Variants in CDK1 observed in about 807,000 individuals in gnomAD.
CDK1 encodes cyclin dependent kinase 1, also known as cyclin-dependent kinase 1.
A neutral mutation model predicts 34.6 loss-of-function variants in CDK1; 5 were observed. The observed-to-expected ratio is 0.14, with a 90% CI of 0.08 to 0.30. CDK1 has a LOEUF of 0.30. Ranked by LOEUF, CDK1 falls within the 10% of genes least tolerant of loss-of-function variation. The pLI is 1.00. For synonymous variants in CDK1, 108 were observed against 114.7 expected, an observed-to-expected ratio of 0.94 and a Z score of 0.37; for missense variants, 157 against 345.7, an observed-to-expected ratio of 0.45 and a Z score of 4.33.
chr10:60,778,965 C>G lies in CDK1; in HGVS notation c.-26+395C>G, dbSNP rs3213021. On this transcript the variant is annotated intron_variant, in intron 1 of 7. Coordinates refer to ENST00000395284, the MANE Select transcript of CDK1 (RefSeq NM_001786.5). ...TTTCCTGGGCCCGGCCCCTGCGCGC[C>G]CTGCCATCCCGCCTCGGGGGTGGGA... Among the ~76,000 whole-genome samples, 34 of 152,212 alleles carry G rather than the reference C, an allele frequency of 2.2e-4. No individual in the cohort carries two copies. The East Asian group carries it at 6.4e-3, about 29-fold the overall frequency.
At chr10:60,782,885 G>A (rs1274336112) in intron 2 of CDK1, among the ~76,000 whole-genome samples, 1 of 152,118 alleles carries the variant, frequency 6.6e-6, no homozygotes, top group Non-Finnish European at 1.5e-5. Flanking sequence ...AGTGAGAAGT[G>A]ATATTATCTC....
intron 5 of CDK1, among the ~76,000 whole-genome samples, chr10:60,791,030 T>C (rs890599352): frequency 6.6e-6 from 1 of 152,170 alleles, no homozygotes; most frequent in African/African-American, 2.4e-5. Context: ...TGGTTCTATA[T>C]GAATTTTAGG....
At chr10:60,792,693 G>A (rs116711918) in intron 7 of CDK1, among the ~76,000 whole-genome samples, 3 of 151,732 alleles carry the variant, frequency 2.0e-5, no homozygotes, top group Non-Finnish European at 2.9e-5. Context: ...AGCTTTATTC[G>A]CACTTTGTAC....
intron 2 of CDK1, among the ~76,000 whole-genome samples, chr10:60,783,840 C>T (rs781636337): frequency 1.3e-5 from 2 of 151,944 alleles, no homozygotes; most frequent in African/African-American, 4.8e-5. Flanking sequence ...GGGTGTGAGG[C>T]TTTCCTAATA....
Position 60,794,054 on chromosome 10 carries a change from T to C in CDK1, c.*79T>C. On this transcript the variant is annotated 3_prime_UTR_variant, in exon 8 of 8. Coordinates refer to ENST00000395284, the MANE Select transcript of CDK1 (RefSeq NM_001786.5). ...TGTTAACTCTTGTCTATTTTTGTCT[T>C]ATATATATTTCTTTGTTATCAAACT... is the stretch of plus-strand genomic sequence containing the variant. 1 of 710,966 alleles carries C rather than the reference T, an allele frequency of 1.4e-6. No individual in the cohort carries two copies. Among genetic ancestry groups the C allele is most frequent in the Middle Eastern group, 3.7e-4 (1 of 2,738 alleles). The allele number at this position is 710,966 out of a possible 1,614,324, so 44.0% of individuals were successfully genotyped here.
intron 2 of CDK1, among the ~76,000 whole-genome samples, chr10:60,783,950 T>TA (rs1195962424): frequency 6.6e-6 from 1 of 152,222 alleles, no homozygotes; most frequent in African/African-American, 2.4e-5. Context: ...TATTTTGAGA[T>TA]ACAGATAAAA....
intron 4 of CDK1, chr10:60,786,486 AT>A (rs1453141958): frequency 9.3e-6 from 4 of 428,656 alleles, no homozygotes; most frequent in Non-Finnish European, 1.2e-5. Context: ...CATTTAAATT[AT>A]TTTCCAACTT....
chr10:60,782,673 C>T (rs2448345), intron 2 of CDK1, among the ~76,000 whole-genome samples: 111,634 of 151,954 alleles, frequency 0.73, 41,473 homozygotes, highest in East Asian at 0.84. Flanking sequence ...TTCCATTAGA[C>T]TTAGACTGAT....
intron 4 of CDK1, 142 bp from the exon 5 acceptor site, chr10:60,787,918 C>A: frequency 2.2e-6 from 1 of 457,830 alleles, no homozygotes; most frequent in Non-Finnish European, 3.9e-6. Flanking sequence ...TTCCCACCCA[C>A]AAATGCTTAT....
chr10:60,780,086 T>A (rs2080258897), intron 1 of CDK1, 55 bp from the exon 2 acceptor site: 1 of 844,590 alleles, frequency 1.2e-6, no homozygotes, highest in South Asian at 1.4e-5. Flanking sequence ...TCATTAATGC[T>A]TAAAACTACT....
At chr10:60,784,491 G>A (rs1458563336) in intron 2 of CDK1, among the ~76,000 whole-genome samples, 1 of 152,110 alleles carries the variant, frequency 6.6e-6, no homozygotes, top group Admixed American at 6.5e-5. Context: ...TTAGCCGAGT[G>A]TGGTGGCATG....
intron 7 of CDK1, among the ~76,000 whole-genome samples, chr10:60,793,670 T>G (rs1310532242): frequency 6.6e-6 from 1 of 152,090 alleles, no homozygotes; most frequent in Admixed American, 6.5e-5. Context: ...ATATCTATGA[T>G]TTACAGAGTA....
At chr10:60,791,207 T>A (rs1258749758) in intron 5 of CDK1, among the ~76,000 whole-genome samples, 1 of 152,112 alleles carries the variant, frequency 6.6e-6, no homozygotes, top group African/African-American at 2.4e-5. Context: ...TTCAATGTTT[T>A]ATAGTTTTTA....
intron 7 of CDK1, among the ~76,000 whole-genome samples, chr10:60,793,322 G>T (rs2080374258): frequency 1.3e-5 from 2 of 152,000 alleles, no homozygotes; most frequent in Admixed American, 1.3e-4. Flanking sequence ...ATTTCTTAAA[G>T]ATCAAATTTA....
At chr10:60,783,248 T>C (rs1203228086) in intron 2 of CDK1, among the ~76,000 whole-genome samples, 1 of 152,160 alleles carries the variant, frequency 6.6e-6, no homozygotes, top group Non-Finnish European at 1.5e-5. Flanking sequence ...TAGAGTAATT[T>C]TGGTTATCAA....
intron 5 of CDK1, among the ~76,000 whole-genome samples, chr10:60,789,500 C>G (rs962329006): frequency 6.6e-6 from 1 of 152,168 alleles, no homozygotes; most frequent in Admixed American, 6.6e-5. Flanking sequence ...CTGTGCCTGG[C>G]TTATTTCATG....
intron 5 of CDK1, among the ~76,000 whole-genome samples, chr10:60,791,252 T>A (rs1287482366): frequency 6.6e-6 from 1 of 152,158 alleles, no homozygotes; most frequent in Non-Finnish European, 1.5e-5. Flanking sequence ...GTTAAATTTA[T>A]TCCTAGGTTT....
At position 60,785,661 on chromosome 10, in the gene CDK1, C is replaced by T; in HGVS notation, c.195-3C>T. On this transcript the variant is annotated splice_region_variant and splice_polypyrimidine_tract_variant and intron_variant, in intron 3 of 7. Coordinates refer to ENST00000395284, the MANE Select transcript of CDK1 (RefSeq NM_001786.5). ...TCTTCTCTCATATATTTTTTTTCCC[C>T]AGTCTTCAGGATGTGCTTATGCAGG... The T allele has an allele frequency of 1.9e-6, 3 of 1,562,434 alleles. No homozygotes were observed. Among genetic ancestry groups the T allele is most frequent in the Non-Finnish European group, 2.6e-6 (3 of 1,148,800 alleles).
intron 2 of CDK1, among the ~76,000 whole-genome samples, chr10:60,784,143 GC>G (rs947346328): frequency 3.3e-5 from 5 of 152,196 alleles, no homozygotes; most frequent in African/African-American, 9.6e-5. Context: ...TGTAAAATAT[GC>G]TGGAACATTA....
Sources: allele counts gnomAD v4.1 joint callset (sites outside exome capture counted in the v4.1 genomes callset), GRCh38; gene constraint gnomAD v4.1.1; transcripts MANE v1.5; gene names NCBI Gene and HGNC (gene_info 2026-07-23, HGNC 2026-07-21).